FANK1: variants seen among roughly 807,000 people sequenced by gnomAD.
FANK1 encodes fibronectin type 3 and ankyrin repeat domains protein 1.
Under a neutral mutation model 45.3 loss-of-function variants are expected in FANK1, and 44 were observed. The ratio of observed to expected loss-of-function variants is 0.97; its 90% CI spans 0.76 to 1.25. FANK1 has a LOEUF of 1.25. Among genes scored for constraint, FANK1 ranks in the 50% most tolerant of loss-of-function variants. The pLI is 0.00. For missense variants in FANK1, 391 were observed against 424.4 expected, an observed-to-expected ratio of 0.92 and a Z score of 0.69; for synonymous variants, 149 against 152.5, an observed-to-expected ratio of 0.98 and a Z score of 0.17.
chr10:125,962,015 CA>C (rs1194349234), intron 1 of FANK1, among the ~76,000 whole-genome samples: 1 of 152,146 alleles, frequency 6.6e-6, no homozygotes, highest in South Asian at 2.1e-4. Context: ...AAAGCTTCTG[CA>C]CAGCAAAGGA....
chr10:125,944,916 C>G (rs1212039302), intron 1 of FANK1, among the ~76,000 whole-genome samples: 2 of 152,206 alleles, frequency 1.3e-5, no homozygotes, highest in Admixed American at 6.5e-5. Context: ...TGATTTCCCA[C>G]TTCACACCTC....
At chr10:125,963,450 C>T (rs528817980) in intron 1 of FANK1, among the ~76,000 whole-genome samples, 35 of 152,154 alleles carry the variant, frequency 2.3e-4, no homozygotes, top group Non-Finnish European at 4.6e-4. Flanking sequence ...TGCACAGGTA[C>T]GTTTATTGCG....
At chr10:125,900,509 C>T (rs565517726) in intron 1 of FANK1, among the ~76,000 whole-genome samples, 44 of 152,172 alleles carry the variant, frequency 2.9e-4, no homozygotes, top group African/African-American at 1.1e-3. Flanking sequence ...TTATCAAATG[C>T]AGCATCAAGA....
At position 125,952,530 on chromosome 10, in the gene FANK1, G is replaced by T. The variant is rs1433353136; in HGVS notation, c.14-27631G>T. Reference sequence around the variant, plus strand: ...TCTGACCCAAACCAGGATCACCCTTGTGTGTATCAGGTGCTGGGGCTGGGG... The same window carrying T: ...TCTGACCCAAACCAGGATCACCCTTTTGTGTATCAGGTGCTGGGGCTGGGG... On this transcript the variant is annotated intron_variant, in intron 1 of 10. Coordinates refer to ENST00000368693, the MANE Select transcript of FANK1 (RefSeq NM_145235.5). 2.6e-5 allele frequency among the ~76,000 whole-genome samples: 4 copies of T among 152,226 alleles called. No homozygotes were observed. In the South Asian group the frequency reaches 8.3e-4, roughly 32 times the overall value.
chr10:125,985,604 C>T (rs764341669), intron 2 of FANK1, among the ~76,000 whole-genome samples: 20 of 152,116 alleles, frequency 1.3e-4, no homozygotes, highest in Non-Finnish European at 2.9e-4. Flanking sequence ...CATTGTCTTT[C>T]CTACAGTTTC....
At chr10:125,952,075 A>C (rs1488014376) in intron 1 of FANK1, among the ~76,000 whole-genome samples, 1 of 152,166 alleles carries the variant, frequency 6.6e-6, no homozygotes. Flanking sequence ...GTGTCAGATA[A>C]GTTCAGGTGT....
At chr10:125,990,723 T>C (rs1345549296) in intron 3 of FANK1, among the ~76,000 whole-genome samples, 1 of 152,128 alleles carries the variant, frequency 6.6e-6, no homozygotes, top group Admixed American at 6.5e-5. Flanking sequence ...GGAAGGGCTG[T>C]TTATTAGTGT....
chr10:126,009,452 C>T lies in FANK1; in HGVS notation c.*14C>T, dbSNP rs1232986020. On this transcript the variant is annotated 3_prime_UTR_variant, in exon 11 of 11. Transcript: ENST00000368693. Reference sequence around the variant, plus strand: ...TGTGTCTGCTGATGAGAGCACCACTCATCTGCGAAACGCACGTAAAACAAA... The same window carrying T: ...TGTGTCTGCTGATGAGAGCACCACTTATCTGCGAAACGCACGTAAAACAAA... 46 of 1,611,626 alleles carry T rather than the reference C, an allele frequency of 2.9e-5. No homozygotes were observed. The highest frequency in any genetic ancestry group is 3.6e-5 in the Non-Finnish European group (43 of 1,179,470).
At chr10:125,985,303 C>G (rs1192073688) in intron 2 of FANK1, among the ~76,000 whole-genome samples, 21 of 152,146 alleles carry the variant, frequency 1.4e-4, no homozygotes. Flanking sequence ...TTTTCAGATG[C>G]CACACATTAT....
intron 1 of FANK1, among the ~76,000 whole-genome samples, chr10:125,931,686 T>A (rs1564885467): frequency 6.6e-6 from 1 of 152,262 alleles, no homozygotes; most frequent in Non-Finnish European, 1.5e-5. Flanking sequence ...GACTGTTCTT[T>A]TGCCATGCAA....
chr10:125,909,694 T>C lies in FANK1; in HGVS notation c.13+13039T>C, dbSNP rs573340533. Among the ~76,000 whole-genome samples, 155 of 148,306 alleles carry C rather than the reference T, an allele frequency of 1.0e-3. 1 individual carries two copies. The highest frequency in any genetic ancestry group is 3.7e-3 in the African/African-American group (150 of 40,348). Reference sequence around the variant, plus strand: ...TCACCATGACCAATTAACTTTTTTTTTTTTTTTTTTTTTTGCTGTGACAGG... The same window carrying C: ...TCACCATGACCAATTAACTTTTTTTCTTTTTTTTTTTTTTGCTGTGACAGG... On this transcript the variant is annotated intron_variant, in intron 1 of 10. Coordinates refer to ENST00000368693, the MANE Select transcript of FANK1 (RefSeq NM_145235.5).
chr10:125,974,493 C>T (rs751493044), intron 1 of FANK1, among the ~76,000 whole-genome samples: 1 of 152,140 alleles, frequency 6.6e-6, no homozygotes, highest in Non-Finnish European at 1.5e-5. Flanking sequence ...GACATGGACC[C>T]AGCCTGTAAG....
intron 1 of FANK1, among the ~76,000 whole-genome samples, chr10:125,950,910 GC>G: frequency 6.6e-6 from 1 of 150,982 alleles, no homozygotes; most frequent in East Asian, 2.0e-4. Flanking sequence ...ATACTATGCA[GC>G]CATAAAAAAT....
intron 4 of FANK1, 112 bp downstream of exon 4, chr10:125,995,610 C>T: frequency 1.1e-6 from 1 of 942,808 alleles, no homozygotes; most frequent in Non-Finnish European, 1.7e-6. Context: ...TTGAAACTGC[C>T]TCCAAAATGG....
chr10:125,977,478 A>G lies in FANK1; in HGVS notation c.14-2683A>G, dbSNP rs1407069919. The stretch of plus-strand genomic sequence containing the variant: ...CCCCTGTTTCCTCACAGTTTCCGTC[A>G]TGCTCCCTTTCAGTGCTCTGAAACT... On this transcript the variant is annotated intron_variant, in intron 1 of 10. Coordinates refer to ENST00000368693, the MANE Select transcript of FANK1 (RefSeq NM_145235.5). Among the ~76,000 whole-genome samples the G allele has an allele frequency of 2.0e-5, 3 of 152,078 alleles. No homozygotes were observed. In the East Asian group the frequency reaches 5.8e-4, roughly 29 times the overall value.
intron 8 of FANK1, among the ~76,000 whole-genome samples, 198 bp from the exon 9 acceptor site, chr10:126,008,856 C>T (rs555801101): frequency 6.6e-6 from 1 of 152,300 alleles, no homozygotes; most frequent in African/African-American, 2.4e-5. Flanking sequence ...TAGAGGGAGT[C>T]CATTTTCCAT....
chr10:125,943,099 A>T (rs1589963520), intron 1 of FANK1, among the ~76,000 whole-genome samples: 1 of 152,202 alleles, frequency 6.6e-6, no homozygotes, highest in Admixed American at 6.5e-5. Flanking sequence ...GGCGTGAGCC[A>T]CTGTGCCCAG....
At chr10:125,932,672 T>G (rs1383322502) in intron 1 of FANK1, among the ~76,000 whole-genome samples, 1 of 152,174 alleles carries the variant, frequency 6.6e-6, no homozygotes, top group African/African-American at 2.4e-5. Context: ...CGATAACAGT[T>G]TGACTTCCTC....
chr10:125,960,667 C>T (rs565991295), intron 1 of FANK1, among the ~76,000 whole-genome samples: 14 of 152,294 alleles, frequency 9.2e-5, no homozygotes, highest in African/African-American at 3.4e-4. Context: ...GCTGGGACTA[C>T]AGGCGCCCAC....
Sources: gnomAD v4.1 joint callset for allele counts (sites outside exome capture counted in the v4.1 genomes callset) on GRCh38, gnomAD v4.1.1 for gene constraint, MANE v1.5 for transcripts, NCBI Gene and HGNC (gene_info 2026-07-23, HGNC 2026-07-21) for gene names.